ACSL6: variants seen among roughly 807,000 people sequenced by gnomAD.
ACSL6 encodes long-chain-fatty-acid--CoA ligase 6.
A neutral mutation model predicts 98.2 loss-of-function variants in ACSL6; 47 were observed. The ratio of observed to expected loss-of-function variants is 0.48; its 90% CI spans 0.38 to 0.61. The LOEUF (loss-of-function observed/expected upper bound fraction) is 0.61, where lower values mean the gene tolerates loss of function less well. Ranked by LOEUF, ACSL6 falls within the 20% of genes least tolerant of loss-of-function variation. The pLI is 0.00. For synonymous variants in ACSL6, 362 were observed against 336.9 expected (o/e 1.07, Z -0.82); for missense variants, 761 against 913.4 (o/e 0.83, Z 2.15).
intron 18 of ACSL6, 27 bp from the exon 19 acceptor site, chr5:131,960,648 A>T: frequency 1.3e-6 from 2 of 1,566,612 alleles, no homozygotes; most frequent in Non-Finnish European, 1.7e-6. Flanking sequence ...AGGAGAACAC[A>T]GTCATGACAA....
intron 2 of ACSL6, among the ~76,000 whole-genome samples, chr5:131,992,490 A>G (rs1358466991): frequency 2.0e-5 from 3 of 152,100 alleles, no homozygotes; most frequent in Non-Finnish European, 4.4e-5. Context: ...CTGGGGGATG[A>G]GGCAAGGGAG....
In ACSL6 at chr5:131,986,870, G is replaced by T; in HGVS notation, c.832-16C>A. The T allele has an allele frequency of 6.2e-7, 1 of 1,614,024 alleles. No individual in the cohort carries two copies. Among genetic ancestry groups the T allele is most frequent in the Non-Finnish European group, 8.5e-7 (1 of 1,179,988 alleles). On this transcript the variant is annotated splice_polypyrimidine_tract_variant and intron_variant, in intron 7 of 20. Coordinates refer to ENST00000651883, the MANE Select transcript of ACSL6 (RefSeq NM_001009185.3). ...GGCCACAGTCCTGAAAGAAGAAAAT[G>T]CTGTTTTTAAATGCTCAAAAGTTCT...
In ACSL6 at chr5:131,966,462, T is replaced by A. The variant is rs371438988; in HGVS notation, c.1667A>T (p.Asp556Val). The part of the protein sequence containing the change: ...KDPDRTKEAL[D>V]SDGWLHTGDI... ...TCCAGTGTGAAGCCAGCCATCGCTG[T>A]CCAGGGCCTCCTTCGTCCTGTCTGG... Residue 556 changes from aspartate (D) to valine (V), a missense_variant, in exon 17 of 21, where the codon GAC becomes GTC. Transcript: ENST00000651883. 3.1e-6 allele frequency: 5 copies of A among 1,614,212 alleles called. No homozygotes were observed. The highest frequency in any genetic ancestry group is 4.2e-6 in the Non-Finnish European group (5 of 1,180,036).
chr5:131,993,823 C>A, intron 2 of ACSL6: 1 of 586,862 alleles, frequency 1.7e-6, no homozygotes, highest in Non-Finnish European at 3.0e-6. Context: ...TCAGGCTCTA[C>A]CCAGAGGCAG....
At chr5:131,963,768 G>A (rs1259188376) in intron 17 of ACSL6, among the ~76,000 whole-genome samples, 4 of 152,142 alleles carry the variant, frequency 2.6e-5, no homozygotes, top group Non-Finnish European at 5.9e-5. Flanking sequence ...CAGTGCCAGA[G>A]CAATCTCTCC....
At chr5:131,974,867 C>A (rs950668203) in intron 11 of ACSL6, 26 bp downstream of exon 11, 1 of 1,613,924 alleles carries the variant, frequency 6.2e-7, no homozygotes, top group African/African-American at 1.3e-5. Flanking sequence ...CCAGGCAAGG[C>A]CCGGTCAGTC....
At chr5:131,975,295 G>A (rs540165839) in intron 10 of ACSL6, 29 of 985,422 alleles carry the variant, frequency 2.9e-5, no homozygotes, top group Middle Eastern at 5.2e-4. Flanking sequence ...AACCAGCAGA[G>A]TGGGCTCCGC....
chr5:131,966,289 C>T (rs1580635623), intron 17 of ACSL6, 127 bp downstream of exon 17: 1 of 860,318 alleles, frequency 1.2e-6, no homozygotes, highest in Non-Finnish European at 1.9e-6. Flanking sequence ...TCCCCCCAGG[C>T]CCCAGAGGTG....
chr5:131,994,471 C>T, intron 1 of ACSL6: 1 of 554,220 alleles, frequency 1.8e-6, no homozygotes, highest in Non-Finnish European at 3.2e-6. Context: ...AGATGTCCTG[C>T]CCACTTTTCC....
intron 17 of ACSL6, 53 bp downstream of exon 17, chr5:131,966,363 C>T: frequency 6.4e-7 from 1 of 1,568,722 alleles, no homozygotes. Context: ...ACCCGGACCA[C>T]ACACCCTCCC....
intron 15 of ACSL6, among the ~76,000 whole-genome samples, chr5:131,968,404 G>A (rs1753132352): frequency 6.6e-6 from 1 of 152,172 alleles, no homozygotes. Flanking sequence ...ACACGTCTTG[G>A]TTTGGGGATC....
chr5:131,966,431 G>A lies in ACSL6; in HGVS notation c.1698C>T (p.Ile566=), dbSNP rs73264077. The A allele has an allele frequency of 3.4e-4, 552 of 1,614,118 alleles. 1 individual carries two copies. The African/African-American group carries it at 6.3e-3, about 18-fold the overall frequency. The part of the protein sequence containing the change: ...DSDGWLHTGD[I]GKWLPAGTLK... ...ACATACACACCGGCAGCCATTTTCC[G>A]ATGTCTCCAGTGTGAAGCCAGCCAT... Residue 566 remains isoleucine (I), a synonymous_variant, in exon 17 of 21, where the codon ATC becomes ATT. Coordinates refer to ENST00000651883, the MANE Select transcript of ACSL6 (RefSeq NM_001009185.3).
chr5:131,951,366 C>T lies in ACSL6; in HGVS notation c.*2868G>A, dbSNP rs531200050. On this transcript the variant is annotated 3_prime_UTR_variant, in exon 21 of 21. Coordinates refer to ENST00000651883, the MANE Select transcript of ACSL6 (RefSeq NM_001009185.3). The stretch of plus-strand genomic sequence containing the variant: ...AGCAAGAAGGATTTTTCCACTGATA[C>T]ATAGGGTTTCATTTCTCATTTCTTA... 110 of 199,180 alleles carry T rather than the reference C, an allele frequency of 5.5e-4. No individual in the cohort carries two copies. The highest frequency in any genetic ancestry group is 1.0e-3 in the Non-Finnish European group (101 of 96,494). 12.3% of individuals were successfully genotyped at this position (199,180 alleles called of 1,614,324 possible). A position where few individuals can be genotyped will look rare whatever the true frequency, so the allele number is the denominator to read the frequency against.
intron 1 of ACSL6, 154 bp from the exon 2 acceptor site, chr5:131,994,405 T>C: frequency 1.6e-6 from 1 of 642,640 alleles, no homozygotes; most frequent in East Asian, 2.8e-5. Flanking sequence ...GCTGGCTACC[T>C]AGAAGGGCTT....
At chr5:131,985,530 C>T (rs1027090920) in intron 8 of ACSL6, 72 bp from the exon 9 acceptor site, 17 of 1,521,390 alleles carry the variant, frequency 1.1e-5, no homozygotes, top group Non-Finnish European at 1.5e-5. Context: ...TGCCTGGGCT[C>T]CCCAACCAGC....
chr5:131,977,440 AC>A, intron 9 of ACSL6, among the ~76,000 whole-genome samples: 1 of 152,264 alleles, frequency 6.6e-6, no homozygotes, highest in East Asian at 1.9e-4. Context: ...CAGGGTAGAT[AC>A]AATCCCAAAG....
chr5:132,002,598 G>C (rs1412565081), intron 1 of ACSL6, among the ~76,000 whole-genome samples: 1 of 152,172 alleles, frequency 6.6e-6, no homozygotes, highest in East Asian at 1.9e-4. Context: ...ACACGTGCTA[G>C]GGGAGAAATG....
chr5:131,987,998 G>C (rs752201657), intron 7 of ACSL6, 50 bp downstream of exon 7: 15 of 1,596,940 alleles, frequency 9.4e-6, no homozygotes, highest in Non-Finnish European at 1.3e-5. Flanking sequence ...GTTCTGACTT[G>C]GTGACCAGCC....
At chr5:131,964,656 G>A (rs1489653079) in intron 17 of ACSL6, among the ~76,000 whole-genome samples, 1 of 152,126 alleles carries the variant, frequency 6.6e-6, no homozygotes, top group African/African-American at 2.4e-5. Flanking sequence ...TGAAGTGCAG[G>A]GCCTTGGAAG....
Sources: gnomAD v4.1 joint callset for allele counts (sites outside exome capture counted in the v4.1 genomes callset) on GRCh38, gnomAD v4.1.1 for gene constraint, MANE v1.5 for transcripts, NCBI Gene and HGNC (gene_info 2026-07-23, HGNC 2026-07-21) for gene names.